The following CDH22 variants were observed in gnomAD, a reference collection of about 807,000 sequenced individuals.
CDH22 encodes the protein cadherin 22.
In CDH22, 30 loss-of-function variants were observed where a neutral mutation model predicts 58.4. The ratio of observed to expected loss-of-function variants is 0.51; its 90% CI spans 0.38 to 0.70. The LOEUF is 0.70. Ranked by LOEUF, CDH22 falls within the 30% of genes least tolerant of loss-of-function variation. CDH22 has a pLI of 0.00. For missense variants in CDH22, 1,014 were observed against 1,233.9 expected (o/e 0.82, Z 2.67); for synonymous variants, 513 against 558.2 (o/e 0.92, Z 1.14).
At chr20:46,237,645 C>T (rs77855363) in intron 3 of CDH22, among the ~76,000 whole-genome samples, 1 of 152,154 alleles carries the variant, frequency 6.6e-6, no homozygotes. Context: ...GAGTCCCCCC[C>T]ACTCCCGACA....
intron 1 of CDH22, among the ~76,000 whole-genome samples, chr20:46,295,753 C>A (rs952710769): frequency 3.9e-5 from 6 of 152,274 alleles, no homozygotes; most frequent in Middle Eastern, 3.4e-3. Context: ...AAAAATTCAA[C>A]TTTTGTTGCC....
intron 2 of CDH22, among the ~76,000 whole-genome samples, chr20:46,250,419 G>A (rs2086362758): frequency 6.6e-6 from 1 of 152,224 alleles, no homozygotes; most frequent in Non-Finnish European, 1.5e-5. Context: ...GTCCTAGCCT[G>A]GTGTGGGCAA....
At chr20:46,249,747 C>T (rs1272002705) in intron 2 of CDH22, among the ~76,000 whole-genome samples, 3 of 152,124 alleles carry the variant, frequency 2.0e-5, no homozygotes, top group African/African-American at 4.8e-5. Context: ...GGGCACCACC[C>T]CACTTTCATG....
At chr20:46,276,127 T>C (rs1250379294) in intron 1 of CDH22, among the ~76,000 whole-genome samples, 1 of 152,158 alleles carries the variant, frequency 6.6e-6, no homozygotes, top group African/African-American at 2.4e-5. Context: ...TGCAGAGGAC[T>C]TTGGGCACAT....
intron 1 of CDH22, among the ~76,000 whole-genome samples, chr20:46,257,849 C>A (rs1000645526): frequency 2.6e-5 from 4 of 152,020 alleles, no homozygotes; most frequent in Non-Finnish European, 5.9e-5. Context: ...GGGACCACAG[C>A]TACAGTGATC....
At position 46,265,879 on chromosome 20, in the gene CDH22, G is replaced by A. The variant is rs139340121; in HGVS notation, c.-399-14186C>T. Among the ~76,000 whole-genome samples, 113 of 150,882 alleles carry A rather than the reference G, an allele frequency of 7.5e-4. No homozygotes were observed. The East Asian group carries it at 0.02, about 26-fold the overall frequency. ...TCTCTTCCTGTTCCACCTCCTGGTT[G>A]CCTGCCCCCTGTTGTTCTATTGTTT... On this transcript the variant is annotated intron_variant, in intron 1 of 11. Coordinates refer to ENST00000537909, the MANE Select transcript of CDH22 (RefSeq NM_021248.3).
chr20:46,201,575 C>G (rs896595481), intron 7 of CDH22, among the ~76,000 whole-genome samples: 1 of 152,200 alleles, frequency 6.6e-6, no homozygotes, highest in African/African-American at 2.4e-5. Flanking sequence ...ATGACTCCTA[C>G]TCACCCCACA....
At chr20:46,277,054 T>C (rs2086521829) in intron 1 of CDH22, among the ~76,000 whole-genome samples, 1 of 151,528 alleles carries the variant, frequency 6.6e-6, no homozygotes, top group African/African-American at 2.4e-5. Flanking sequence ...TTTTGGAGGC[T>C]GAGGGGAGAG....
intron 10 of CDH22, among the ~76,000 whole-genome samples, chr20:46,184,813 G>T (rs1193867557): frequency 6.6e-6 from 1 of 152,114 alleles, no homozygotes; most frequent in East Asian, 1.9e-4. Context: ...TGAAACTGAG[G>T]CTTAGAGAGG....
chr20:46,199,459 C>T lies in CDH22; in HGVS notation c.1387G>A (p.Gly463Ser), dbSNP rs150837541. The part of the protein sequence containing the change: ...TGKGLDRETA[G>S]WHNITVLAME... Reference sequence around the variant, plus strand: ...GCCAGCACTGTGATGTTGTGCCAGCCGGCCGTCTCGCGGTCCAGCCCCTTG... The same window carrying T: ...GCCAGCACTGTGATGTTGTGCCAGCTGGCCGTCTCGCGGTCCAGCCCCTTG... The change falls in exon 8 of 12, where the codon GGC becomes AGC. Residue 463 changes from glycine to serine, a missense_variant. By Grantham distance (56) the Gly-to-Ser change is moderately conservative (BLOSUM62 0). Around this residue, in one of 2 missense-constraint regions of CDH22, gnomAD observed 806 missense variants for 1,038.7 expected, o/e 0.78. Coordinates refer to ENST00000537909, the MANE Select transcript of CDH22 (RefSeq NM_021248.3). The T allele has an allele frequency of 5.6e-6, 9 of 1,613,396 alleles. No homozygotes were observed. The highest frequency in any genetic ancestry group is 1.3e-5 in the African/African-American group (1 of 74,948).
chr20:46,191,833 T>A (rs2085863629), intron 8 of CDH22, among the ~76,000 whole-genome samples: 1 of 152,144 alleles, frequency 6.6e-6, no homozygotes, highest in Non-Finnish European at 1.5e-5. Context: ...CCTTGATTGC[T>A]CTCAGTTCTG....
At chr20:46,180,969 G>C (rs2085780224) in intron 10 of CDH22, among the ~76,000 whole-genome samples, 1 of 135,752 alleles carries the variant, frequency 7.4e-6, no homozygotes, top group Non-Finnish European at 1.6e-5. Context: ...TGTGTGTACA[G>C]ATGAGGTCTC....
At chr20:46,264,615 A>G (rs1463529123) in intron 1 of CDH22, among the ~76,000 whole-genome samples, 2 of 152,122 alleles carry the variant, frequency 1.3e-5, no homozygotes, top group Non-Finnish European at 2.9e-5. Context: ...GAGGATCTGG[A>G]ATTCAAACAG....
chr20:46,185,470 C>A (rs978382375), intron 10 of CDH22, among the ~76,000 whole-genome samples: 12 of 152,020 alleles, frequency 7.9e-5, no homozygotes, highest in African/African-American at 2.9e-4. Flanking sequence ...CCTATATGAC[C>A]CTGGGCAGGA....
chr20:46,298,945 C>T (rs956781909), intron 1 of CDH22, among the ~76,000 whole-genome samples: 1 of 152,124 alleles, frequency 6.6e-6, no homozygotes, highest in Non-Finnish European at 1.5e-5. Context: ...TCATTAAGCC[C>T]CCACCCCACT....
chr20:46,187,518 T>TA (rs1877326414), intron 8 of CDH22, among the ~76,000 whole-genome samples: 1 of 151,254 alleles, frequency 6.6e-6, no homozygotes, highest in Admixed American at 6.6e-5. Flanking sequence ...CCTCTAGTAC[T>TA]ACACCCATCA....
chr20:46,239,856 T>A (rs2086278033), intron 3 of CDH22, among the ~76,000 whole-genome samples: 1 of 152,134 alleles, frequency 6.6e-6, no homozygotes, highest in Non-Finnish European at 1.5e-5. Flanking sequence ...GGTCTGGGGG[T>A]TTCCTGGTGG....
At chr20:46,253,650 C>A (rs906386346) in intron 1 of CDH22, among the ~76,000 whole-genome samples, 5 of 152,126 alleles carry the variant, frequency 3.3e-5, no homozygotes, top group Non-Finnish European at 5.9e-5. Context: ...CTGGGCTGGT[C>A]GTAATGAGAC....
Position 46,253,651 on chromosome 20 carries a change from G to A in CDH22, c.-399-1958C>T, listed in dbSNP as rs1314073300. ...CCCTGCATTATGACCTGGGCTGGTC[G>A]TAATGAGACTGGAGTTATGGGTGAG... On this transcript the variant is annotated intron_variant, in intron 1 of 11. Transcript: ENST00000537909. 3.3e-5 allele frequency among the ~76,000 whole-genome samples: 5 copies of A among 152,308 alleles called. No homozygotes were observed. In the South Asian group the frequency reaches 8.3e-4, roughly 25 times the overall value.
Sources: allele counts gnomAD v4.1 joint callset (sites outside exome capture counted in the v4.1 genomes callset), GRCh38; gene constraint gnomAD v4.1.1; regional missense constraint gnomAD v4.1.1; transcripts MANE v1.5; gene names NCBI Gene and HGNC (gene_info 2026-07-23, HGNC 2026-07-21).